Variants in TAFA2 observed in about 807,000 individuals in gnomAD.
The protein encoded by TAFA2 is TAFA chemokine like family member 2.
In TAFA2, 7 loss-of-function variants were observed where a neutral mutation model predicts 18.8. The observed-to-expected ratio is 0.37, with a 90% CI of 0.21 to 0.70. The LOEUF (loss-of-function observed/expected upper bound fraction) is 0.70. Ranked by LOEUF, TAFA2 falls within the 30% of genes least tolerant of loss-of-function variation. The pLI, the probability that TAFA2 is intolerant of heterozygous loss-of-function variation, is 0.53. For synonymous variants in TAFA2, 60 were observed against 54.2 expected (o/e 1.11, Z -0.47); for missense variants, 122 against 158.1 (o/e 0.77, Z 1.23).
chr12:62,092,934 C>T (rs1352799679), intron 1 of TAFA2, among the ~76,000 whole-genome samples: 2 of 151,956 alleles, frequency 1.3e-5, no homozygotes, highest in Non-Finnish European at 2.9e-5. Context: ...AGTGAATACT[C>T]GGCACTTACC....
chr12:62,108,517 G>A (rs1437163060), intron 1 of TAFA2, among the ~76,000 whole-genome samples: 2 of 152,162 alleles, frequency 1.3e-5, no homozygotes, highest in East Asian at 3.8e-4. Flanking sequence ...GGGGATTGCT[G>A]GGTCAAATGG....
intron 1 of TAFA2, among the ~76,000 whole-genome samples, chr12:62,141,388 G>C (rs188355447): frequency 5.9e-5 from 9 of 152,112 alleles, no homozygotes; most frequent in Admixed American, 2.6e-4. Context: ...TGCCTCGAAG[G>C]TTCCAGTTCC....
intron 1 of TAFA2, chr12:61,878,280 A>C: frequency 3.5e-6 from 1 of 286,996 alleles, no homozygotes; most frequent in East Asian, 8.9e-5. Context: ...AATTGTACAA[A>C]AAATGGCTAC....
intron 1 of TAFA2, among the ~76,000 whole-genome samples, chr12:61,873,971 A>T (rs530427225): frequency 6.6e-6 from 1 of 152,304 alleles, no homozygotes; most frequent in African/African-American, 2.4e-5. Context: ...TAACTCATAC[A>T]TATAATCATG....
At chr12:62,032,759 G>A (rs1468332311) in intron 1 of TAFA2, among the ~76,000 whole-genome samples, 8 of 152,130 alleles carry the variant, frequency 5.3e-5, no homozygotes, top group African/African-American at 1.9e-4. Context: ...CATCGAGAGT[G>A]TTGTTAGCTT....
intron 1 of TAFA2, among the ~76,000 whole-genome samples, chr12:62,052,506 C>T (rs1364020530): frequency 6.6e-6 from 1 of 152,110 alleles, no homozygotes; most frequent in East Asian, 1.9e-4. Context: ...CAACCCTCTT[C>T]TCTTTGTGCT....
intron 4 of TAFA2, among the ~76,000 whole-genome samples, chr12:61,724,506 C>T (rs1011580659): frequency 6.6e-6 from 1 of 151,818 alleles, no homozygotes; most frequent in Non-Finnish European, 1.5e-5. Context: ...GTACACTATA[C>T]CCAATGTGTA....
At chr12:62,164,312 C>A (rs750549851) in intron 1 of TAFA2, among the ~76,000 whole-genome samples, 4 of 152,138 alleles carry the variant, frequency 2.6e-5, no homozygotes, top group Non-Finnish European at 4.4e-5. Flanking sequence ...TCCTCGAGAA[C>A]TTAAGATCCA....
At chr12:61,896,697 A>G (rs1875860255) in intron 1 of TAFA2, among the ~76,000 whole-genome samples, 1 of 152,162 alleles carries the variant, frequency 6.6e-6, no homozygotes, top group African/African-American at 2.4e-5. Context: ...TCTTGCCAAC[A>G]CTTCTAAAAT....
In TAFA2 at chr12:61,945,947, A is replaced by G. The variant is rs1306771815; in HGVS notation, c.-1-78521T>C. On this transcript the variant is annotated intron_variant, in intron 1 of 4. Transcript: ENST00000416284. ...CCAATGACTTTCTTCACAGAATTGG[A>G]AAAAACTACTTTAAAGTTCATATGG... 5.0e-3 allele frequency among the ~76,000 whole-genome samples: 732 copies of G among 146,758 alleles called. 5 individuals carry two copies. The highest frequency in any genetic ancestry group is 0.018 in the African/African-American group (672 of 38,360).
At chr12:62,030,966 A>C (rs999501237) in intron 1 of TAFA2, among the ~76,000 whole-genome samples, 3 of 152,166 alleles carry the variant, frequency 2.0e-5, no homozygotes, top group African/African-American at 7.2e-5. Flanking sequence ...CTCAGGGCAC[A>C]TCAGCTCCTC....
chr12:62,234,895 G>C (rs1392160530), intron 1 of TAFA2: 1 of 969,498 alleles, frequency 1.0e-6, no homozygotes, highest in Non-Finnish European at 1.6e-6. Flanking sequence ...ACGATCATGG[G>C]CATCTTGTGG....
chr12:61,718,856 T>C lies in TAFA2; in HGVS notation c.385-8439A>G, dbSNP rs974154464. Reference sequence around the variant, plus strand: ...TCTGGTCAAGAATCACCAGTCTCACTACAGAAGCTTTAAAAATTGTACTTT... The same window carrying C: ...TCTGGTCAAGAATCACCAGTCTCACCACAGAAGCTTTAAAAATTGTACTTT... On this transcript the variant is annotated intron_variant, in intron 4 of 4. Coordinates refer to ENST00000416284, the MANE Select transcript of TAFA2 (RefSeq NM_178539.5). Among the ~76,000 whole-genome samples, 13 of 152,184 alleles carry C rather than the reference T, an allele frequency of 8.5e-5. 1 individual carries two copies. Among genetic ancestry groups the C allele is most frequent in the Admixed American group, 3.3e-4 (5 of 15,266 alleles).
At chr12:62,257,883 A>G (rs2062948125) in intron 1 of TAFA2, among the ~76,000 whole-genome samples, 1 of 152,244 alleles carries the variant, frequency 6.6e-6, no homozygotes, top group Non-Finnish European at 1.5e-5. Flanking sequence ...TTTATGAACA[A>G]TATCTTATTT....
rs10552283 is a variant in TAFA2 at position 62,147,729 on chromosome 12, CAAAAA to C, written c.-2+43525_-2+43529del. Among the ~76,000 whole-genome samples the C allele has an allele frequency of 1.6e-3, 121 of 76,396 alleles. 1 individual carries two copies. The highest frequency in any genetic ancestry group is 5.6e-3 in the African/African-American group (99 of 17,658). 50.1% of individuals were successfully genotyped at this position (76,396 alleles called of 152,430 possible). On this transcript the variant is annotated intron_variant, in intron 1 of 4. Coordinates refer to ENST00000416284, the MANE Select transcript of TAFA2 (RefSeq NM_178539.5). The stretch of plus-strand genomic sequence containing the variant: ...TGGGCAACAGAGCAAGACTCTGTCT[CAAAAA>C]AAAAAAAAAAAAAAAAAGAAACCAT...
At chr12:61,866,017 A>G (rs1874339213) in intron 2 of TAFA2, among the ~76,000 whole-genome samples, 1 of 152,214 alleles carries the variant, frequency 6.6e-6, no homozygotes, top group South Asian at 2.1e-4. Context: ...ATTTGAGACC[A>G]CAGGGAATGT....
intron 1 of TAFA2, among the ~76,000 whole-genome samples, chr12:61,896,589 T>A (rs1451621077): frequency 6.6e-6 from 1 of 152,232 alleles, no homozygotes; most frequent in Non-Finnish European, 1.5e-5. Flanking sequence ...TTATAAGGAT[T>A]TCAATCTGCT....
chr12:62,020,708 G>T (rs1481501127), intron 1 of TAFA2, among the ~76,000 whole-genome samples: 1 of 152,154 alleles, frequency 6.6e-6, no homozygotes, highest in Non-Finnish European at 1.5e-5. Flanking sequence ...GTTTGAAAAT[G>T]ATTTCAGTGA....
At chr12:62,207,406 A>G (rs2062696626) in intron 1 of TAFA2, among the ~76,000 whole-genome samples, 1 of 152,130 alleles carries the variant, frequency 6.6e-6, no homozygotes, top group South Asian at 2.1e-4. Context: ...TAGAGTCCCA[A>G]GTGGTTTCTG....
Sources: allele counts gnomAD v4.1 joint callset (sites outside exome capture counted in the v4.1 genomes callset), GRCh38; gene constraint gnomAD v4.1.1; transcripts MANE v1.5; gene names NCBI Gene and HGNC (gene_info 2026-07-23, HGNC 2026-07-21).